The following NKAIN2 variants were observed in gnomAD, a reference collection of about 807,000 sequenced individuals.
The protein encoded by NKAIN2 is sodium/potassium-transporting ATPase subunit beta-1-interacting protein 2.
NKAIN2 carries 14 observed loss-of-function variants against 32.6 expected under a neutral mutation model. The ratio of observed to expected loss-of-function variants is 0.43; its 90% CI spans 0.28 to 0.67. The LOEUF is 0.67. Ranked by LOEUF, NKAIN2 falls within the 30% of genes least tolerant of loss-of-function variation. The pLI, the probability that NKAIN2 is intolerant of heterozygous loss-of-function variation, is 0.17. For missense variants in NKAIN2, 198 were observed against 258.3 expected (o/e 0.77, Z 1.60); for synonymous variants, 80 against 87.2 (o/e 0.92, Z 0.46).
chr6:124,110,378 CT>C (rs1280572354), intron 1 of NKAIN2, among the ~76,000 whole-genome samples: 1 of 151,960 alleles, frequency 6.6e-6, no homozygotes, highest in Non-Finnish European at 1.5e-5. Context: ...GTTTCTGCTG[CT>C]TTTTTCTCTT....
intron 3 of NKAIN2, among the ~76,000 whole-genome samples, chr6:124,531,668 T>G (rs1779530412): frequency 1.3e-5 from 2 of 152,114 alleles, no homozygotes; most frequent in African/African-American, 4.8e-5. Flanking sequence ...TTTAAGTCAT[T>G]TTTTCTTTCT....
Position 124,348,216 on chromosome 6 carries a change from C to T in NKAIN2, c.193-7051C>T, listed in dbSNP as rs778247130. Among the ~76,000 whole-genome samples the T allele has an allele frequency of 7.2e-5, 11 of 152,152 alleles. No individual in the cohort carries two copies. The East Asian group carries it at 1.2e-3, about 16-fold the overall frequency. On this transcript the variant is annotated intron_variant, in intron 2 of 6. Coordinates refer to ENST00000368417, the MANE Select transcript of NKAIN2 (RefSeq NM_001040214.3). ...TGGAAGTTTTGTCTCAGAGTTGTAC[C>T]CGGCTGTGTGAGGTGTCAGTCTGCC...
intron 1 of NKAIN2, among the ~76,000 whole-genome samples, chr6:124,148,270 A>G (rs1442799473): frequency 6.8e-6 from 1 of 146,530 alleles, no homozygotes; most frequent in Non-Finnish European, 1.5e-5. Context: ...TGCGAATAAT[A>G]AAATCAATTC....
chr6:124,187,490 C>A (rs1458940861), intron 1 of NKAIN2, among the ~76,000 whole-genome samples: 1 of 152,032 alleles, frequency 6.6e-6, no homozygotes, highest in Admixed American at 6.6e-5. Context: ...CGGATAAGAT[C>A]AAAAAGCATA....
rs373481478 is a variant in NKAIN2, at chr6:124,300,951, C to G, written c.192+17809C>G. On this transcript the variant is annotated intron_variant, in intron 2 of 6. Transcript: ENST00000368417. ...CCCATTTTCTGGGTATAAATTCAAG[C>G]CTGCTGCAGAAATTTGCATAAGTAA... is the stretch of plus-strand genomic sequence containing the variant. 9.8e-5 allele frequency among the ~76,000 whole-genome samples: 15 copies of G among 152,286 alleles called. 1 individual carries two copies. In the South Asian group the frequency reaches 1.2e-3, roughly 13 times the overall value.
At chr6:124,464,349 T>C (rs1326840427) in intron 3 of NKAIN2, among the ~76,000 whole-genome samples, 1 of 152,070 alleles carries the variant, frequency 6.6e-6, no homozygotes, top group Non-Finnish European at 1.5e-5. Context: ...CATTCTTTAT[T>C]ACATGTCTAT....
chr6:124,670,982 G>A (rs1301751392), intron 4 of NKAIN2, among the ~76,000 whole-genome samples: 1 of 152,068 alleles, frequency 6.6e-6, no homozygotes, highest in Non-Finnish European at 1.5e-5. Flanking sequence ...AGAGAAGGGA[G>A]CAGTTGCACT....
At chr6:124,697,924 TG>T (rs1223258876) in intron 4 of NKAIN2, among the ~76,000 whole-genome samples, 1 of 152,172 alleles carries the variant, frequency 6.6e-6, no homozygotes, top group African/African-American at 2.4e-5. Flanking sequence ...GCAAGGATGG[TG>T]TGTATCTTAC....
intron 4 of NKAIN2, among the ~76,000 whole-genome samples, chr6:124,666,105 A>C (rs757578548): frequency 6.6e-6 from 1 of 152,118 alleles, no homozygotes; most frequent in Non-Finnish European, 1.5e-5. Context: ...TATGCCTACT[A>C]CTCCAACTCT....
At chr6:124,700,045 G>GA (rs1774698717) in intron 4 of NKAIN2, among the ~76,000 whole-genome samples, 1 of 152,048 alleles carries the variant, frequency 6.6e-6, no homozygotes, top group Admixed American at 6.5e-5. Flanking sequence ...TCTCTGCTCA[G>GA]AAAAAATACA....
chr6:124,678,903 G>T (rs1473867733), intron 4 of NKAIN2, among the ~76,000 whole-genome samples: 1 of 152,130 alleles, frequency 6.6e-6, no homozygotes, highest in African/African-American at 2.4e-5. Context: ...CTTTTCTATG[G>T]ATGAATCTTC....
intron 3 of NKAIN2, among the ~76,000 whole-genome samples, chr6:124,634,723 A>AGATC (rs1392830306): frequency 1.3e-5 from 2 of 152,118 alleles, no homozygotes; most frequent in Non-Finnish European, 2.9e-5. Flanking sequence ...ATAGACATCC[A>AGATC]GATCCAAGAA....
chr6:123,842,927 T>C (rs1192560450), intron 1 of NKAIN2, among the ~76,000 whole-genome samples: 1 of 152,158 alleles, frequency 6.6e-6, no homozygotes, highest in African/African-American at 2.4e-5. Flanking sequence ...CTGTAATACA[T>C]ACCTTCAGGG....
chr6:124,210,869 G>A (rs913155066), intron 1 of NKAIN2, among the ~76,000 whole-genome samples: 14 of 151,690 alleles, frequency 9.2e-5, no homozygotes, highest in Non-Finnish European at 1.6e-4. Context: ...CTAAATATAA[G>A]ATTATATTAT....
chr6:124,522,084 A>G (rs1779138270), intron 3 of NKAIN2, among the ~76,000 whole-genome samples: 1 of 152,138 alleles, frequency 6.6e-6, no homozygotes, highest in African/African-American at 2.4e-5. Context: ...CTGTCTTACA[A>G]TTCACTTGCT....
At chr6:123,892,840 G>A (rs1239040917) in intron 1 of NKAIN2, among the ~76,000 whole-genome samples, 1 of 151,424 alleles carries the variant, frequency 6.6e-6, no homozygotes, top group Non-Finnish European at 1.5e-5. Flanking sequence ...TTCTTGTTCG[G>A]CACTGTCCTA....
chr6:124,286,512 T>C (rs1795547927), intron 2 of NKAIN2, among the ~76,000 whole-genome samples: 1 of 152,154 alleles, frequency 6.6e-6, no homozygotes. Flanking sequence ...ACCCTGTGTA[T>C]TATCTGTTCT....
chr6:124,255,536 G>A (rs1793888851), intron 1 of NKAIN2, among the ~76,000 whole-genome samples: 1 of 152,164 alleles, frequency 6.6e-6, no homozygotes. Flanking sequence ...TCTATTTCGC[G>A]GAGGATGCCG....
chr6:124,585,155 A>G lies in NKAIN2; in HGVS notation c.274-73031A>G, dbSNP rs1452569314. On this transcript the variant is annotated intron_variant, in intron 3 of 6. Coordinates refer to ENST00000368417, the MANE Select transcript of NKAIN2 (RefSeq NM_001040214.3). ...AAAAGAATAAGATCCTATCGTTGGC[A>G]AAAACATGGATAAAACTGGAGGTCA... Among the ~76,000 whole-genome samples, 7 of 152,350 alleles carry G rather than the reference A, an allele frequency of 4.6e-5. No individual in the cohort carries two copies. The South Asian group carries it at 1.0e-3, about 23-fold the overall frequency.
Sources: gnomAD v4.1 joint callset for allele counts (sites outside exome capture counted in the v4.1 genomes callset) on GRCh38, gnomAD v4.1.1 for gene constraint, MANE v1.5 for transcripts, NCBI Gene and HGNC (gene_info 2026-07-23, HGNC 2026-07-21) for gene names.